The following SERPIND1 variants were observed in gnomAD, a reference collection of about 807,000 sequenced individuals.
SERPIND1 encodes the protein serpin family D member 1.
SERPIND1 carries 34 observed loss-of-function variants against 35.0 expected under a neutral mutation model. The ratio of observed to expected loss-of-function variants is 0.97; its 90% CI spans 0.74 to 1.29. The LOEUF (loss-of-function observed/expected upper bound fraction) is 1.29, where lower values mean the gene tolerates loss of function less well. SERPIND1 is among the 50% of genes most tolerant of loss of function. The pLI, the probability that SERPIND1 is intolerant of heterozygous loss-of-function variation, is 0.00. For missense variants in SERPIND1, 633 were observed against 637.7 expected, an observed-to-expected ratio of 0.99 and a Z score of 0.08; for synonymous variants, 236 against 241.1, an observed-to-expected ratio of 0.98 and a Z score of 0.19.
rs757016825 is a variant in SERPIND1, at chr22:20,786,094, T to C, written c.1254T>C (p.Phe418=). The change falls in exon 4 of 5, where the codon TTT becomes TTC. Residue 418 remains phenylalanine (F), a synonymous_variant. Coordinates refer to ENST00000215727, the MANE Select transcript of SERPIND1 (RefSeq NM_000185.4). ...AGTTGATGGGGATCAGGATGCTGTT[T>C]GACAAAAATGGCAACATGGCAGGCA... ...SLKLMGIRML[F]DKNGNMAGIS... The C allele has an allele frequency of 6.2e-7, 1 of 1,614,142 alleles. No individual in the cohort carries two copies. The highest frequency in any genetic ancestry group is 1.1e-5 in the South Asian group (1 of 91,080).
chr22:20,787,284 G>GT lies in SERPIND1; in HGVS notation c.*219dup. 1.7e-6 allele frequency: 1 copy of GT among 585,646 alleles called. No individual in the cohort carries two copies. The highest frequency in any genetic ancestry group is 3.1e-6 in the Non-Finnish European group (1 of 326,880). 36.3% of individuals were successfully genotyped at this position (585,646 alleles called of 1,614,324 possible). A position where few individuals can be genotyped will look rare whatever the true frequency, so the allele number is the denominator to read the frequency against. On this transcript the variant is annotated 3_prime_UTR_variant, in exon 5 of 5. Coordinates refer to ENST00000215727, the MANE Select transcript of SERPIND1 (RefSeq NM_000185.4). ...ATGCTGTAAGCTCATAGAAGTCACTGTAACTGTAGTGTGTCTGCTGTTACC... is the reference window on the plus strand; with the variant it reads ...ATGCTGTAAGCTCATAGAAGTCACTGTTAACTGTAGTGTGTCTGCTGTTACC...
intron 1 of SERPIND1, among the ~76,000 whole-genome samples, chr22:20,776,702 T>C (rs1200112969): frequency 2.6e-5 from 4 of 152,126 alleles, no homozygotes; most frequent in Admixed American, 6.5e-5. Context: ...GGTTCGAATC[T>C]AGCCACTGCC....
At chr22:20,780,366 G>A (rs1933674625) in intron 2 of SERPIND1, among the ~76,000 whole-genome samples, 165 bp downstream of exon 2, 1 of 152,224 alleles carries the variant, frequency 6.6e-6, no homozygotes, top group African/African-American at 2.4e-5. Flanking sequence ...TGAAGTGACA[G>A]TAGCATCTGA....
At chr22:20,785,378 C>T (rs868673844) in intron 3 of SERPIND1, among the ~76,000 whole-genome samples, 1 of 152,182 alleles carries the variant, frequency 6.6e-6, no homozygotes, top group Admixed American at 6.5e-5. Flanking sequence ...GCCCATTTGA[C>T]TTTTAATTGA....
Position 20,780,104 on chromosome 22 carries a change from C to T in SERPIND1, c.792C>T (p.Asn264=). 6.2e-7 allele frequency: 1 copy of T among 1,614,178 alleles called. No individual in the cohort carries two copies. Among genetic ancestry groups the T allele is most frequent in the Non-Finnish European group, 8.5e-7 (1 of 1,180,028 alleles). ...CTGCCTTCATATCAAAAACCAACAACCACATCATGAAGCTCACCAAGGGCC... is the reference window on the plus strand; with the variant it reads ...CTGCCTTCATATCAAAAACCAACAATCACATCATGAAGCTCACCAAGGGCC... ...SDPAFISKTN[N]HIMKLTKGLI... The change falls in exon 2 of 5, where the codon AAC becomes AAT. Residue 264 remains asparagine, a synonymous_variant. Transcript: ENST00000215727.
rs561535865 is a variant in SERPIND1 at position 20,786,527 on chromosome 22, AAG to A, written c.1309-340_1309-339del. 1.1e-4 allele frequency among the ~76,000 whole-genome samples: 17 copies of A among 152,288 alleles called. No homozygotes were observed. The East Asian group carries it at 2.5e-3, about 22-fold the overall frequency. On this transcript the variant is annotated intron_variant, in intron 4 of 4. Transcript: ENST00000215727. ...CTTAAACCAATCGGGCGCTCAGCAA[AAG>A]AGAGAGAACACCAGTCCAAACAGTG...
intron 2 of SERPIND1, among the ~76,000 whole-genome samples, chr22:20,781,014 C>A (rs1369159602): frequency 1.3e-5 from 2 of 152,094 alleles, no homozygotes; most frequent in African/African-American, 2.4e-5. Context: ...AACTATTCAG[C>A]TTGAGCAGCT....
At chr22:20,783,347 A>C (rs1933941118) in intron 2 of SERPIND1, among the ~76,000 whole-genome samples, 1 of 151,910 alleles carries the variant, frequency 6.6e-6, no homozygotes, top group Admixed American at 6.6e-5. Flanking sequence ...CTATAATCCC[A>C]GTGCTTTGGA....
Position 20,785,997 on chromosome 22 carries a change from T to C in SERPIND1, c.1164-7T>C, listed in dbSNP as rs777236252. The C allele has an allele frequency of 1.9e-6, 3 of 1,614,092 alleles. No homozygotes were observed. Among genetic ancestry groups the C allele is most frequent in the Non-Finnish European group, 2.5e-6 (3 of 1,180,040 alleles). ...AAAACTGGGCCCCCCTTTCCTTTTC[T>C]GTCTAGAACTCGAGAAGTGCTTCTG... On this transcript the variant is annotated splice_region_variant and splice_polypyrimidine_tract_variant and intron_variant, in intron 3 of 4. Coordinates refer to ENST00000215727, the MANE Select transcript of SERPIND1 (RefSeq NM_000185.4).
intron 4 of SERPIND1, 135 bp from the exon 5 acceptor site, chr22:20,786,740 T>C (rs1197783160): frequency 1.1e-6 from 1 of 905,534 alleles, no homozygotes; most frequent in East Asian, 2.6e-5. Flanking sequence ...TTTTCAAGAG[T>C]GACTCTGACC....
Position 20,786,958 on chromosome 22 carries a change from C to T in SERPIND1, c.1392C>T (p.Ser464=). 2 of 1,614,126 alleles carry T rather than the reference C, an allele frequency of 1.2e-6. No homozygotes were observed. Among genetic ancestry groups the T allele is most frequent in the South Asian group, 1.1e-5 (1 of 91,072 alleles). The change falls in exon 5 of 5, where the codon TCC becomes TCT. Residue 464 remains serine, a synonymous_variant. Coordinates refer to ENST00000215727, the MANE Select transcript of SERPIND1 (RefSeq NM_000185.4). ...CCACGGTGGGGTTCATGCCGCTGTC[C>T]ACCCAAGTCCGCTTCACTGTCGACC... ...TVTTVGFMPL[S]TQVRFTVDRP... is the part of the protein sequence containing the mutation.
chr22:20,777,461 G>A (rs1219716400), intron 1 of SERPIND1, among the ~76,000 whole-genome samples: 3 of 151,908 alleles, frequency 2.0e-5, no homozygotes, highest in Admixed American at 6.6e-5. Context: ...CAGATGATCC[G>A]CCCACCTCGG....
At chr22:20,779,145 T>A (rs1437059030) in intron 1 of SERPIND1, 152 bp from the exon 2 acceptor site, 1 of 1,520,514 alleles carries the variant, frequency 6.6e-7, no homozygotes, top group Non-Finnish European at 8.8e-7. Flanking sequence ...TACATCAGAT[T>A]CTCTTAAAGT....
intron 1 of SERPIND1, among the ~76,000 whole-genome samples, chr22:20,777,506 C>G (rs1933400590): frequency 6.6e-6 from 1 of 152,334 alleles, no homozygotes; most frequent in East Asian, 1.9e-4. Context: ...ACCTGAGCCA[C>G]CGCACCCAGC....
At chr22:20,781,325 C>T (rs1178540371) in intron 2 of SERPIND1, among the ~76,000 whole-genome samples, 2 of 152,216 alleles carry the variant, frequency 1.3e-5, no homozygotes, top group African/African-American at 4.8e-5. Flanking sequence ...AGGAATGGTT[C>T]GGCTTCAGGA....
At chr22:20,784,522 G>A (rs879312943) in intron 3 of SERPIND1, among the ~76,000 whole-genome samples, 3 of 152,104 alleles carry the variant, frequency 2.0e-5, no homozygotes, top group Non-Finnish European at 4.4e-5. Flanking sequence ...TTGTGGCTTC[G>A]AGTCCCAGCT....
At chr22:20,783,622 C>A (rs1213091596) in intron 2 of SERPIND1, among the ~76,000 whole-genome samples, 1 of 151,860 alleles carries the variant, frequency 6.6e-6, no homozygotes, top group Admixed American at 6.6e-5. Flanking sequence ...GTCTCAAAAA[C>A]CAAATAATAA....
In SERPIND1 at chr22:20,779,384, G is replaced by A. The variant is rs143920516; in HGVS notation, c.72G>A (p.Pro24=). 16 of 1,614,068 alleles carry A rather than the reference G, an allele frequency of 9.9e-6. No homozygotes were observed. In the African/African-American group the frequency reaches 1.3e-4, roughly 13 times the overall value. ...ITSAWGGSKG[P]LDQLEKGGET... ...CTGCGTGGGGTGGGAGCAAAGGCCC[G>A]CTGGATCAGCTAGAGAAAGGAGGGG... The change falls in exon 2 of 5, where the codon CCG becomes CCA. Residue 24 remains proline, a synonymous_variant. Coordinates refer to ENST00000215727, the MANE Select transcript of SERPIND1 (RefSeq NM_000185.4).
chr22:20,776,394 C>A (rs1431714470), intron 1 of SERPIND1, among the ~76,000 whole-genome samples: 1 of 152,154 alleles, frequency 6.6e-6, no homozygotes, highest in Admixed American at 6.5e-5. Flanking sequence ...GGCACTGCAG[C>A]CTGAGGCAGG....
Sources: gnomAD v4.1 joint callset for allele counts (sites outside exome capture counted in the v4.1 genomes callset) on GRCh38, gnomAD v4.1.1 for gene constraint, MANE v1.5 for transcripts, NCBI Gene and HGNC (gene_info 2026-07-23, HGNC 2026-07-21) for gene names.